Variants in UNC13C observed in about 807,000 individuals in gnomAD.
The protein encoded by UNC13C is protein unc-13 homolog C.
A neutral mutation model predicts 245.4 loss-of-function variants in UNC13C; 174 were observed. The observed-to-expected ratio is 0.71, with a 90% CI of 0.63 to 0.80. UNC13C has a LOEUF of 0.80. Among genes scored for constraint, UNC13C ranks in the 30% least tolerant of loss-of-function variants. UNC13C has a pLI of 0.00. For missense variants in UNC13C, 2,829 were observed against 2,602.9 expected (o/e 1.09, Z -1.89); for synonymous variants, 992 against 895.1 (o/e 1.11, Z -1.93).
chr15:53,953,484 A>G, the UNC13C span, among the ~76,000 whole-genome samples: 1 of 152,212 alleles, frequency 6.6e-6, no homozygotes, highest in African/African-American at 2.4e-5. Context: ...AGTAATATTA[A>G]GGCATCACCC....
intron 19 of UNC13C, among the ~76,000 whole-genome samples, chr15:54,489,917 T>C (rs2141079947): frequency 6.6e-6 from 1 of 152,330 alleles, no homozygotes; most frequent in East Asian, 1.9e-4. Context: ...ACTCAATATA[T>C]TGAAAATCTT....
intron 17 of UNC13C, among the ~76,000 whole-genome samples, chr15:54,357,847 CAT>C (rs1307792483): frequency 6.6e-6 from 1 of 151,874 alleles, no homozygotes; most frequent in Non-Finnish European, 1.5e-5. Flanking sequence ...AAAACACACA[CAT>C]ATATGTGTGT....
intron 4 of UNC13C, among the ~76,000 whole-genome samples, chr15:54,206,956 T>C (rs1469690705): frequency 6.6e-6 from 1 of 152,064 alleles, no homozygotes; most frequent in African/African-American, 2.4e-5. Flanking sequence ...TGTTAAAATA[T>C]AACCCATTCC....
At chr15:54,264,680 C>T (rs530906026) in intron 9 of UNC13C, among the ~76,000 whole-genome samples, 14 of 151,686 alleles carry the variant, frequency 9.2e-5, no homozygotes, top group Non-Finnish European at 1.3e-4. Context: ...TTGTTGCCTA[C>T]CAGTGATAAA....
upstream of UNC13C, among the ~76,000 whole-genome samples, chr15:53,973,258 A>G (rs1893594103): frequency 6.6e-6 from 1 of 152,158 alleles, no homozygotes; most frequent in Admixed American, 6.5e-5. Context: ...AGATTATAGT[A>G]GAAAATGACA....
At chr15:54,151,714 A>C (rs1193504182) in intron 4 of UNC13C, among the ~76,000 whole-genome samples, 1 of 152,118 alleles carries the variant, frequency 6.6e-6, no homozygotes, top group Non-Finnish European at 1.5e-5. Context: ...TTTACATTCC[A>C]GATCAAGATC....
At chr15:54,559,344 C>T (rs1243604059) in intron 29 of UNC13C, among the ~76,000 whole-genome samples, 1 of 151,968 alleles carries the variant, frequency 6.6e-6, no homozygotes, top group Non-Finnish European at 1.5e-5. Flanking sequence ...GAGGTTCTGC[C>T]CTATCCTGCT....
chr15:54,159,157 GT>G (rs1325925206), intron 4 of UNC13C, among the ~76,000 whole-genome samples: 14 of 152,202 alleles, frequency 9.2e-5, no homozygotes, highest in Non-Finnish European at 1.8e-4. Context: ...CTGGCAATGT[GT>G]CTTACTTATT....
chr15:53,870,631 G>A, the UNC13C span, among the ~76,000 whole-genome samples: 2 of 152,080 alleles, frequency 1.3e-5, no homozygotes, highest in African/African-American at 4.8e-5. Flanking sequence ...CAGCAATTGA[G>A]ACTACGTCCT....
intron 13 of UNC13C, among the ~76,000 whole-genome samples, chr15:54,307,510 A>G (rs2140957158): frequency 6.6e-6 from 1 of 152,086 alleles, no homozygotes; most frequent in East Asian, 1.9e-4. Flanking sequence ...GGCAATGGGG[A>G]AATAGCAGTA....
intron 19 of UNC13C, among the ~76,000 whole-genome samples, chr15:54,460,085 G>C (rs1891753338): frequency 6.6e-6 from 1 of 152,098 alleles, no homozygotes; most frequent in South Asian, 2.1e-4. Context: ...TTTCCCATTG[G>C]GTGATCCCTT....
intron 24 of UNC13C, among the ~76,000 whole-genome samples, chr15:54,520,438 G>A (rs62022401): frequency 0.05 from 7,576 of 152,232 alleles, 326 homozygotes; most frequent in Admixed American, 0.12. Context: ...AGTTTACTAG[G>A]TACTTGGAAA....
rs797022614 is a variant in UNC13C at position 54,347,242 on chromosome 15, C to G, written c.4713+8753C>G. Reference sequence around the variant, plus strand: ...TTAACTCAGTTCCGTGGAAACCACTCAGCGAAAGAACTTTTCTGTTGAACA... The same window carrying G: ...TTAACTCAGTTCCGTGGAAACCACTGAGCGAAAGAACTTTTCTGTTGAACA... On this transcript the variant is annotated intron_variant, in intron 17 of 32. Coordinates refer to ENST00000260323, the MANE Select transcript of UNC13C (RefSeq NM_001080534.3). Among the ~76,000 whole-genome samples, 11 of 152,228 alleles carry G rather than the reference C, an allele frequency of 7.2e-5. 1 individual carries two copies. The highest frequency in any genetic ancestry group is 2.6e-4 in the African/African-American group (11 of 41,552).
chr15:54,573,496 G>A (rs1897841723), intron 30 of UNC13C, among the ~76,000 whole-genome samples: 2 of 152,178 alleles, frequency 1.3e-5, no homozygotes, highest in African/African-American at 2.4e-5. Flanking sequence ...AGAGTCACAT[G>A]TTTATTATTC....
intron 17 of UNC13C, among the ~76,000 whole-genome samples, chr15:54,343,115 A>G (rs1300591318): frequency 6.6e-6 from 1 of 150,696 alleles, no homozygotes. Flanking sequence ...TTTTTATTGT[A>G]CCATGTAATT....
intron 4 of UNC13C, among the ~76,000 whole-genome samples, chr15:54,181,825 T>A (rs1224468081): frequency 6.6e-6 from 1 of 151,984 alleles, no homozygotes; most frequent in African/African-American, 2.4e-5. Flanking sequence ...TTGATTTGGC[T>A]CTCAGCTTGA....
Position 54,056,126 on chromosome 15 carries a change from T to A in UNC13C, c.2983+40240T>A, listed in dbSNP as rs559909622. ...CTGGACGGAGAATGACTTTGACGAG[T>A]TGAGAGAGGAAGGCTTCAGAAGCTC... On this transcript the variant is annotated intron_variant, in intron 2 of 32. Coordinates refer to ENST00000260323, the MANE Select transcript of UNC13C (RefSeq NM_001080534.3). 4.4e-4 allele frequency among the ~76,000 whole-genome samples: 67 copies of A among 151,638 alleles called. 1 individual carries two copies. The South Asian group carries it at 6.9e-3, about 16-fold the overall frequency.
intron 30 of UNC13C, among the ~76,000 whole-genome samples, chr15:54,606,782 C>G (rs955543022): frequency 6.6e-6 from 1 of 152,112 alleles, no homozygotes; most frequent in Non-Finnish European, 1.5e-5. Context: ...GGTGTCAAAC[C>G]CTCTGCTGTG....
intron 2 of UNC13C, among the ~76,000 whole-genome samples, chr15:54,100,111 A>G (rs1268392873): frequency 5.3e-5 from 6 of 114,248 alleles, no homozygotes; most frequent in Non-Finnish European, 1.2e-4. Flanking sequence ...GTCTCAAAAA[A>G]AAAAAAAAAA....
Sources: allele counts gnomAD v4.1 joint callset (sites outside exome capture counted in the v4.1 genomes callset), GRCh38; gene constraint gnomAD v4.1.1; transcripts MANE v1.5; gene names NCBI Gene and HGNC (gene_info 2026-07-23, HGNC 2026-07-21).